The following MYO16 variants were observed in gnomAD, a reference collection of about 807,000 sequenced individuals.
MYO16 encodes the protein myosin XVI, also known as unconventional myosin-XVI.
A neutral mutation model predicts 205.3 loss-of-function variants in MYO16; 94 were observed. That is an observed-to-expected ratio of 0.46 (90% CI 0.39 to 0.54). The LOEUF (loss-of-function observed/expected upper bound fraction) is 0.54, where lower values mean the gene tolerates loss of function less well. Ranked by LOEUF, MYO16 falls within the 20% of genes least tolerant of loss-of-function variation. MYO16 has a pLI of 0.00. For synonymous variants in MYO16, 988 were observed against 954.0 expected (o/e 1.04, Z -0.66); for missense variants, 2,315 against 2,387.5 (o/e 0.97, Z 0.63).
chr13:109,184,728 T>C (rs921326136), intron 34 of MYO16, among the ~76,000 whole-genome samples: 4 of 151,228 alleles, frequency 2.6e-5, no homozygotes, highest in Admixed American at 1.3e-4. Context: ...TCCCAAGTAG[T>C]TGGGATTACA....
intron 15 of MYO16, among the ~76,000 whole-genome samples, chr13:108,902,403 C>T (rs1276588678): frequency 6.6e-6 from 1 of 152,222 alleles, no homozygotes; most frequent in East Asian, 1.9e-4. Context: ...ATAGCATGTA[C>T]TTGTCTCCTG....
In MYO16 at chr13:108,883,067, G is replaced by A. The variant is rs117665810; in HGVS notation, c.1434G>A (p.Gln478=). 9.9e-6 allele frequency: 16 copies of A among 1,613,946 alleles called. No homozygotes were observed. Among genetic ancestry groups the A allele is most frequent in the Non-Finnish European group, 1.4e-5 (16 of 1,179,858 alleles). The change falls in exon 13 of 35, where the codon CAG becomes CAA. Residue 478 remains glutamine (Q), a synonymous_variant. Transcript: ENST00000457511. ...GCTGCCCTGTTTTCCAGGTGTCCCA[G>A]CTGTATTTCAGCTCCTCAGGGAAGC... ...ELPIYSSMVS[Q]LYFSSSGKLC...
intron 14 of MYO16, among the ~76,000 whole-genome samples, chr13:108,889,984 T>C (rs1036113725): frequency 6.6e-6 from 1 of 152,064 alleles, no homozygotes; most frequent in Non-Finnish European, 1.5e-5. Flanking sequence ...CAGGCTGGAG[T>C]ACAGTGATAC....
chr13:108,950,666 CCG>C (rs1323166230), intron 16 of MYO16, among the ~76,000 whole-genome samples: 1 of 152,168 alleles, frequency 6.6e-6, no homozygotes, highest in Non-Finnish European at 1.5e-5. Flanking sequence ...GATGCAACTA[CCG>C]TATGACCCAG....
chr13:108,785,635 G>C lies in MYO16; in HGVS notation c.508G>C (p.Ala170Pro). 1 of 1,596,304 alleles carries C rather than the reference G, an allele frequency of 6.3e-7. No homozygotes were observed. Among genetic ancestry groups the C allele is most frequent in the Non-Finnish European group, 8.5e-7 (1 of 1,171,648 alleles). Residue 170 changes from alanine (A) to proline (P), a missense_variant and splice_region_variant, in exon 5 of 35, where the codon GCT becomes CCT. Transcript: ENST00000457511. Reference protein sequence around the residue: ...NPDIVLLLVLAGANVLLQDVN... With the variant: ...NPDIVLLLVLPGANVLLQDVN... ...GTTATATTTTTTTCTTTTTATCTAG[G>C]CTGGAGCCAATGTCCTTCTCCAGGA...
At chr13:108,502,998 A>G in the MYO16 span, among the ~76,000 whole-genome samples, 2 of 152,158 alleles carry the variant, frequency 1.3e-5, no homozygotes, top group African/African-American at 4.8e-5. Context: ...GTAGCTTGCT[A>G]TTTTCATTTT....
chr13:108,753,370 C>CAAAATAAAAAAAAAAAA (rs1885308841), intron 4 of MYO16, among the ~76,000 whole-genome samples: 1 of 111,794 alleles, frequency 8.9e-6, no homozygotes, highest in African/African-American at 3.8e-5. Context: ...AACTCTGTGA[C>CAAAATAAAAAAAAAAAA]AAAAAAAAAA....
the MYO16 span, among the ~76,000 whole-genome samples, chr13:108,590,921 C>G: frequency 6.6e-6 from 1 of 152,164 alleles, no homozygotes; most frequent in African/African-American, 2.4e-5. Flanking sequence ...TGTAAGCCAC[C>G]ATGTTTGTGC....
Position 108,699,092 on chromosome 13 carries a change from CTCTCTA to C in MYO16, c.293-13567_293-13562del, listed in dbSNP as rs199739525. On this transcript the variant is annotated intron_variant, in intron 2 of 34. Transcript: ENST00000457511. ...TCTCTCTCTGTCTCTCTCTCTCTCT[CTCTCTA>C]TATATATATATATGTGTGTGTGTAT... Among the ~76,000 whole-genome samples, 1,171 of 143,426 alleles carry C rather than the reference CTCTCTA, an allele frequency of 8.2e-3. 12 individuals are homozygous for C. Among genetic ancestry groups the C allele is most frequent in the East Asian group, 0.052 (250 of 4,784 alleles). 94.1% of individuals were successfully genotyped at this position (143,426 alleles called of 152,430 possible). A position where few individuals can be genotyped will look rare whatever the true frequency, so the allele number is the denominator to read the frequency against.
chr13:109,082,247 AG>A (rs914790813), intron 27 of MYO16, among the ~76,000 whole-genome samples: 2 of 152,190 alleles, frequency 1.3e-5, no homozygotes, highest in Non-Finnish European at 2.9e-5. Flanking sequence ...CCCCATCATG[AG>A]AACAAAAACC....
intron 12 of MYO16, among the ~76,000 whole-genome samples, chr13:108,882,053 C>T (rs930665383): frequency 6.6e-6 from 1 of 152,186 alleles, no homozygotes; most frequent in Non-Finnish European, 1.5e-5. Flanking sequence ...AGAGAAAGGT[C>T]AGTTTGCCCA....
At chr13:108,963,158 C>T (rs572686991) in intron 19 of MYO16, among the ~76,000 whole-genome samples, 4 of 152,344 alleles carry the variant, frequency 2.6e-5, no homozygotes, top group Middle Eastern at 3.4e-3. Flanking sequence ...CAAGTACTCA[C>T]TCTAAATGAT....
chr13:108,986,806 G>A (rs2139427388), intron 20 of MYO16, among the ~76,000 whole-genome samples: 1 of 152,154 alleles, frequency 6.6e-6, no homozygotes, highest in Admixed American at 6.5e-5. Flanking sequence ...TTTCTGAGGA[G>A]AACAGAATTA....
chr13:108,869,821 A>T (rs1206952954), intron 12 of MYO16, among the ~76,000 whole-genome samples: 1 of 150,762 alleles, frequency 6.6e-6, no homozygotes, highest in Non-Finnish European at 1.5e-5. Context: ...ATTAGCTATA[A>T]AATTATCTAG....
chr13:108,533,727 G>GA, the MYO16 span, among the ~76,000 whole-genome samples: 6 of 151,974 alleles, frequency 3.9e-5, no homozygotes, highest in African/African-American at 1.4e-4. Context: ...ATTTAGTCAG[G>GA]AAAAAATAAA....
chr13:109,094,216 T>C (rs1888706226), intron 27 of MYO16, among the ~76,000 whole-genome samples: 1 of 152,140 alleles, frequency 6.6e-6, no homozygotes, highest in African/African-American at 2.4e-5. Flanking sequence ...ACTTCCTTAT[T>C]TACTTTATTT....
Position 108,666,023 on chromosome 13 carries a change from C to A in MYO16, c.166C>A (p.Arg56Ser), listed in dbSNP as rs768065230. The stretch of plus-strand genomic sequence containing the variant: ...TGAGCAAATCAAAGCCTACTATGAG[C>A]GCGAGAAGGCTTTTCAGAAGCAGGA... ...RCEQIKAYYE[R>S]EKAFQKQEGF... Residue 56 changes from arginine (R) to serine (S), a missense_variant, in exon 2 of 35, where the codon CGC becomes AGC. Physicochemically the swap from Arg to Ser is moderately radical, Grantham distance 110. Around this residue, in one of 3 missense-constraint regions of MYO16, gnomAD observed 1,213 missense variants for 1,274.4 expected, o/e 0.95. Transcript: ENST00000457511. The A allele has an allele frequency of 1.9e-6, 3 of 1,614,084 alleles. No individual in the cohort carries two copies. Among genetic ancestry groups the A allele is most frequent in the Non-Finnish European group, 2.5e-6 (3 of 1,179,988 alleles).
chr13:109,015,855 T>C (rs980966634), intron 22 of MYO16, among the ~76,000 whole-genome samples: 10 of 152,122 alleles, frequency 6.6e-5, no homozygotes, highest in Admixed American at 3.3e-4. Context: ...TCTCTCTTTT[T>C]TTCTTTATTA....
At chr13:108,904,404 T>G (rs187468352) in intron 15 of MYO16, among the ~76,000 whole-genome samples, 4 of 152,314 alleles carry the variant, frequency 2.6e-5, no homozygotes, top group African/African-American at 7.2e-5. Flanking sequence ...AATGACTTAG[T>G]TTTAGCCATA....
Sources: allele counts gnomAD v4.1 joint callset (sites outside exome capture counted in the v4.1 genomes callset), GRCh38; gene constraint gnomAD v4.1.1; regional missense constraint gnomAD v4.1.1; transcripts MANE v1.5; gene names NCBI Gene and HGNC (gene_info 2026-07-23, HGNC 2026-07-21).